Variants in ESR1 observed in about 807,000 individuals in gnomAD.
The protein encoded by ESR1 is estrogen receptor.
Under a neutral mutation model 52.7 loss-of-function variants are expected in ESR1, and 12 were observed. That is an observed-to-expected ratio of 0.23 (90% CI 0.15 to 0.37). The LOEUF (loss-of-function observed/expected upper bound fraction) is 0.37. ESR1 is among the 10% of genes least tolerant of loss of function. The pLI, the probability that ESR1 is intolerant of heterozygous loss-of-function variation, is 1.00. For missense variants in ESR1, 584 were observed against 779.7 expected (o/e 0.75, Z 2.99); for synonymous variants, 305 against 316.8 (o/e 0.96, Z 0.39).
intron 6 of ESR1, among the ~76,000 whole-genome samples, chr6:152,117,370 T>G (rs1190487243): frequency 4.6e-5 from 7 of 152,222 alleles, no homozygotes; most frequent in Admixed American, 2.0e-4. Flanking sequence ...TCTGTGAGGC[T>G]CTGATGTGAA....
chr6:151,770,467 C>T (rs961798671), intron 2 of ESR1, among the ~76,000 whole-genome samples: 2 of 151,984 alleles, frequency 1.3e-5, no homozygotes, highest in Admixed American at 6.6e-5. Flanking sequence ...GATTTCATAA[C>T]ACATCAGTTA....
chr6:151,882,132 C>A (rs1793040202), intron 3 of ESR1, among the ~76,000 whole-genome samples: 1 of 152,012 alleles, frequency 6.6e-6, no homozygotes, highest in Non-Finnish European at 1.5e-5. Flanking sequence ...TTAAATCATT[C>A]TTACTGGGAC....
intron 2 of ESR1, among the ~76,000 whole-genome samples, chr6:151,859,599 G>A (rs927688746): frequency 8.5e-5 from 13 of 152,298 alleles, no homozygotes; most frequent in African/African-American, 2.9e-4. Context: ...TGTCAGCTTC[G>A]CGTTCTCTGT....
At chr6:151,721,172 G>T (rs1471074059) in intron 2 of ESR1, among the ~76,000 whole-genome samples, 2 of 152,172 alleles carry the variant, frequency 1.3e-5, no homozygotes, top group African/African-American at 4.8e-5. Flanking sequence ...AATTTTAAAG[G>T]ATTCATAGAT....
chr6:151,660,767 G>T (rs1434890397), intron 1 of ESR1, among the ~76,000 whole-genome samples: 1 of 152,138 alleles, frequency 6.6e-6, no homozygotes, highest in Non-Finnish European at 1.5e-5. Context: ...TAGAAAGAAA[G>T]ATATCACATA....
intron 5 of ESR1, among the ~76,000 whole-genome samples, chr6:152,060,172 T>C (rs927328655): frequency 1.3e-5 from 2 of 152,216 alleles, no homozygotes; most frequent in Non-Finnish European, 2.9e-5. Flanking sequence ...GTACTACATG[T>C]TATGCACCTT....
rs115605171 is a variant in ESR1, at chr6:152,013,977, G to A, written c.1235+2183G>A. 9.5e-3 allele frequency among the ~76,000 whole-genome samples: 1,444 copies of A among 152,152 alleles called. 26 individuals are homozygous for A. The highest frequency in any genetic ancestry group is 0.033 in the African/African-American group (1,388 of 41,536). ...TTCCCATGTGTCATGGGAGGGACCCGGTGGGAGGTAACTGAAACATAAGCA... is the reference window on the plus strand; with the variant it reads ...TTCCCATGTGTCATGGGAGGGACCCAGTGGGAGGTAACTGAAACATAAGCA... On this transcript the variant is annotated intron_variant, in intron 5 of 7. Transcript: ENST00000206249.
At chr6:152,047,154 G>A (rs901317911) in intron 5 of ESR1, among the ~76,000 whole-genome samples, 22 of 151,946 alleles carry the variant, frequency 1.4e-4, no homozygotes, top group African/African-American at 4.8e-4. Context: ...TTATTTTCTA[G>A]TAGAACATAC....
At chr6:151,853,297 CATCAGAGAAATAGAAAGACACACCATG>C (rs1176858454) in intron 2 of ESR1, among the ~76,000 whole-genome samples, 4 of 151,096 alleles carry the variant, frequency 2.6e-5, no homozygotes, top group African/African-American at 9.7e-5. Flanking sequence ...TACTGTTTCT[CATCAGAGAAATAGAAAGACACACCATG>C]AAAGTCAAGG....
intron 1 of ESR1, among the ~76,000 whole-genome samples, chr6:151,684,941 G>A (rs1338901662): frequency 6.6e-6 from 1 of 152,160 alleles, no homozygotes; most frequent in African/African-American, 2.4e-5. Flanking sequence ...CCTGGTACAG[G>A]AATTAAGGCT....
chr6:152,061,127 G>A lies in ESR1; in HGVS notation c.1369+3G>A, dbSNP rs2047507004. ...ATCTATTATTTTGCTTAATTCTGGT[G>A]AGTTGATAACACAAGATAACTCAAT... On this transcript the variant is annotated splice_donor_region_variant and intron_variant, in intron 6 of 7. Transcript: ENST00000206249. This position sits in a 1 kb window ranked among gnomAD's most constrained non-coding sequence, Gnocchi z 4.3. The A allele has an allele frequency of 6.2e-7, 1 of 1,613,626 alleles. No homozygotes were observed. Among genetic ancestry groups the A allele is most frequent in the Non-Finnish European group, 8.5e-7 (1 of 1,179,668 alleles).
rs183275075 is a variant in ESR1 at position 151,666,083 on chromosome 6, T to A, written n.73+9320T>A. ...CAGTGTCTTTTCTTTGGGCTCTTCA[T>A]AGAAAATTGTTGAAATGTGTCTTTC... On this transcript the variant is annotated intron_variant and non_coding_transcript_variant, in intron 1 of 2. Transcript: ENST00000473497. Among the ~76,000 whole-genome samples the A allele has an allele frequency of 1.2e-3, 182 of 152,374 alleles. 2 individuals are homozygous for A. The highest frequency in any genetic ancestry group is 4.2e-3 in the African/African-American group (175 of 41,594).
intron 3 of ESR1, among the ~76,000 whole-genome samples, chr6:151,883,675 T>C (rs1342043734): frequency 6.6e-6 from 1 of 152,144 alleles, no homozygotes; most frequent in African/African-American, 2.4e-5. Flanking sequence ...CATAACAGGC[T>C]GCCCTCCCAA....
chr6:151,903,494 C>G (rs894744042), intron 3 of ESR1, among the ~76,000 whole-genome samples: 2 of 152,226 alleles, frequency 1.3e-5, no homozygotes, highest in African/African-American at 2.4e-5. Context: ...CTCTACCTCA[C>G]CTCCAGTTCT....
chr6:151,820,403 T>G (rs1780370473), intron 1 of ESR1, among the ~76,000 whole-genome samples: 1 of 152,212 alleles, frequency 6.6e-6, no homozygotes, highest in African/African-American at 2.4e-5. Context: ...CCAGGTGCCT[T>G]GCCGAAAACC....
At chr6:151,956,363 G>A (rs1368068190) in intron 4 of ESR1, among the ~76,000 whole-genome samples, 1 of 152,174 alleles carries the variant, frequency 6.6e-6, no homozygotes, top group African/African-American at 2.4e-5. Context: ...TCATTCTACT[G>A]TACCAGTTAT....
chr6:151,811,315 T>C (rs754270993), intron 1 of ESR1: 1 of 152,224 alleles, frequency 6.6e-6, no homozygotes, highest in African/African-American at 2.4e-5. Context: ...AGTCATCTTA[T>C]CCTGGGTTCC....
intron 4 of ESR1, among the ~76,000 whole-genome samples, chr6:151,977,977 A>C (rs969513875): frequency 5.9e-5 from 9 of 151,412 alleles, no homozygotes; most frequent in Admixed American, 5.3e-4. Flanking sequence ...AAAAAAAAAA[A>C]AACAAGGAAA....
downstream of ESR1, among the ~76,000 whole-genome samples, chr6:152,103,525 CAG>C (rs2051019938): frequency 6.6e-6 from 1 of 152,164 alleles, no homozygotes; most frequent in Non-Finnish European, 1.5e-5. Context: ...GTTGATTTTT[CAG>C]AGTTTCGGCT....
Sources: gnomAD v4.1 joint callset for allele counts (sites outside exome capture counted in the v4.1 genomes callset) on GRCh38, gnomAD v4.1.1 for gene constraint, Gnocchi (gnomAD v3.1) non-coding constraint, MANE v1.5 for transcripts, NCBI Gene and HGNC (gene_info 2026-07-23, HGNC 2026-07-21) for gene names.